Variants in RERE observed in about 807,000 individuals in gnomAD.
The protein encoded by RERE is arginine-glutamic acid dipeptide repeats protein.
RERE carries 40 observed loss-of-function variants against 146.1 expected under a neutral mutation model. That is an observed-to-expected ratio of 0.27 (90% CI 0.21 to 0.36). The LOEUF (loss-of-function observed/expected upper bound fraction) is 0.36, where lower values mean the gene tolerates loss of function less well. Among genes scored for constraint, RERE ranks in the 10% least tolerant of loss-of-function variants. The probability of loss-of-function intolerance (pLI) is 1.00; values close to 1 mark genes in which losing one functional copy is unlikely to be tolerated. For missense variants in RERE, 1,933 were observed against 2,138.7 expected (o/e 0.90, Z 1.90); for synonymous variants, 1,003 against 866.0 (o/e 1.16, Z -2.78).
Position 8,361,345 on chromosome 1 carries a change from T to C in RERE, c.2162A>G (p.Asn721Ser). Residue 721 changes from asparagine to serine, a missense_variant, in exon 18 of 23, where the codon AAT becomes AGT. Asn to Ser is a conservative substitution (Grantham distance 46). Around this residue, in one of 11 missense-constraint regions of RERE, gnomAD observed 1,255 missense variants for 1,153.8 expected, o/e 1.09. Coordinates refer to ENST00000400908, the MANE Select transcript of RERE (RefSeq NM_001042681.2). ...GGCTGACGAGTCCGAGTCACTCTCATTGTCCTGGGGGCTGGGGATGCTCGG... is the reference window on the plus strand; with the variant it reads ...GGCTGACGAGTCCGAGTCACTCTCACTGTCCTGGGGGCTGGGGATGCTCGG... ...TSPSIPSPQDNESDSDSSAQQ... is the reference protein window; with the variant it reads ...TSPSIPSPQDSESDSDSSAQQ... The C allele has an allele frequency of 6.2e-7, 1 of 1,613,326 alleles. No homozygotes were observed. The highest frequency in any genetic ancestry group is 8.5e-7 in the Non-Finnish European group (1 of 1,179,616).
At chr1:8,755,415 G>GT (rs1265785921) in intron 1 of RERE, among the ~76,000 whole-genome samples, 1 of 152,132 alleles carries the variant, frequency 6.6e-6, no homozygotes, top group African/African-American at 2.4e-5. Context: ...TAGCAGTCCT[G>GT]TATTTTAGAA....
At chr1:8,770,486 T>A (rs993197454) in intron 1 of RERE, among the ~76,000 whole-genome samples, 5 of 152,170 alleles carry the variant, frequency 3.3e-5, no homozygotes, top group Admixed American at 1.3e-4. Context: ...GAGCACAGTC[T>A]CGAGAAGCAG....
chr1:8,678,845 A>G (rs1436773164), intron 1 of RERE, among the ~76,000 whole-genome samples: 1 of 152,272 alleles, frequency 6.6e-6, no homozygotes, highest in African/African-American at 2.4e-5. Context: ...ATGTCTAGAC[A>G]TAAGAGAATG....
intron 1 of RERE, among the ~76,000 whole-genome samples, chr1:8,689,774 A>G (rs1407520429): frequency 5.3e-5 from 7 of 133,066 alleles, no homozygotes; most frequent in Admixed American, 1.5e-4. Context: ...TGGATACAGG[A>G]AAAAAAAAAA....
rs577692170 is a variant in RERE, at chr1:8,636,138, A to G, written c.326-11758T>C. ...CAAGTAGCTGGGAATGCAGGCATGC[A>G]CCACAACACCCGGCTAATTTTGTAT... On this transcript the variant is annotated intron_variant, in intron 2 of 22. Coordinates refer to ENST00000400908, the MANE Select transcript of RERE (RefSeq NM_001042681.2). Among the ~76,000 whole-genome samples the G allele has an allele frequency of 2.6e-5, 4 of 152,268 alleles. No individual in the cohort carries two copies. In the South Asian group the frequency reaches 6.2e-4, roughly 24 times the overall value.
At chr1:8,589,455 A>C (rs956521300) in intron 4 of RERE, among the ~76,000 whole-genome samples, 1 of 152,168 alleles carries the variant, frequency 6.6e-6, no homozygotes, top group African/African-American at 2.4e-5. Flanking sequence ...CAAACAAACA[A>C]ACACTACTGA....
At chr1:8,554,726 T>C (rs989604939) in intron 6 of RERE, among the ~76,000 whole-genome samples, 4 of 144,696 alleles carry the variant, frequency 2.8e-5, no homozygotes, top group African/African-American at 1.0e-4. Flanking sequence ...GATTAAGTCA[T>C]CGGTCCCAGC....
intron 11 of RERE, among the ~76,000 whole-genome samples, chr1:8,441,040 G>T (rs930650090): frequency 6.6e-6 from 1 of 151,696 alleles, no homozygotes; most frequent in Non-Finnish European, 1.5e-5. Context: ...GCTTTATTAT[G>T]TGACCTCAGA....
At chr1:8,355,760 C>T (rs779976869) in intron 21 of RERE, among the ~76,000 whole-genome samples, 161 bp from the exon 22 acceptor site, 22 of 152,102 alleles carry the variant, frequency 1.4e-4, no homozygotes, top group Admixed American at 3.9e-4. Context: ...AGGGCAGAGC[C>T]TCTGGGGAGG....
intron 1 of RERE, among the ~76,000 whole-genome samples, chr1:8,744,200 T>G (rs1640373831): frequency 6.6e-6 from 1 of 152,208 alleles, no homozygotes. Context: ...TTATTCCAAC[T>G]ACACCCAAAA....
intron 1 of RERE, among the ~76,000 whole-genome samples, chr1:8,765,737 A>C (rs537465277): frequency 6.6e-6 from 1 of 152,316 alleles, no homozygotes; most frequent in African/African-American, 2.4e-5. Flanking sequence ...GCGGATCACA[A>C]GGTCAGGAGA....
At chr1:8,514,359 C>G (rs1359234941) in intron 7 of RERE, among the ~76,000 whole-genome samples, 1 of 152,234 alleles carries the variant, frequency 6.6e-6, no homozygotes, top group African/African-American at 2.4e-5. Flanking sequence ...GGAACCAAGG[C>G]TTCTCCTCAA....
chr1:8,400,222 A>ATATGTGTGTGTGTGTG (rs368219880), intron 12 of RERE, among the ~76,000 whole-genome samples: 11,449 of 139,944 alleles, frequency 0.082, 580 homozygotes, highest in South Asian at 0.12. Flanking sequence ...CCTGTGTCAT[A>ATATGTGTGTGTGTGTG]TGTGTGTGTG....
At chr1:8,618,529 G>A (rs1646882230) in intron 3 of RERE, among the ~76,000 whole-genome samples, 1 of 152,076 alleles carries the variant, frequency 6.6e-6, no homozygotes, top group Non-Finnish European at 1.5e-5. Context: ...ACCAAAAAAG[G>A]GCTCTAATGC....
chr1:8,811,721 TAGG>T (rs776245684), intron 1 of RERE, among the ~76,000 whole-genome samples: 1 of 152,208 alleles, frequency 6.6e-6, no homozygotes, highest in Non-Finnish European at 1.5e-5. Flanking sequence ...TGGGTTTTTG[TAGG>T]AGGAGCTCTG....
chr1:8,513,000 CA>C (rs2124315309), intron 7 of RERE: 1 of 152,126 alleles, frequency 6.6e-6, no homozygotes, highest in South Asian at 2.1e-4. Flanking sequence ...ATGTTTCTTC[CA>C]AAAGACTCAC....
intron 6 of RERE, among the ~76,000 whole-genome samples, chr1:8,548,474 C>T (rs935862902): frequency 9.2e-5 from 14 of 152,110 alleles, no homozygotes; most frequent in African/African-American, 3.1e-4. Flanking sequence ...AAGAACAGAA[C>T]TGACCTAAGT....
chr1:8,364,080 C>T lies in RERE; in HGVS notation c.1716G>A (p.Met572Ile). 1 of 1,614,226 alleles carries T rather than the reference C, an allele frequency of 6.2e-7. No homozygotes were observed. Among genetic ancestry groups the T allele is most frequent in the Non-Finnish European group, 8.5e-7 (1 of 1,180,050 alleles). The change falls in exon 15 of 23, where the codon ATG (methionine) becomes ATA (isoleucine). Residue 572 changes from methionine (M) to isoleucine (I), a missense_variant. Met to Ile is a conservative substitution (Grantham distance 10). Transcript: ENST00000400908. The surrounding 1 kb of genome is among the most constrained non-coding windows in gnomAD (Gnocchi z 5.1). ...CCGAGCCCCGACTCCGCCGTGTCCTCATGCTATGCTTCCCACTGAGCCCAT... is the reference window on the plus strand; with the variant it reads ...CCGAGCCCCGACTCCGCCGTGTCCTTATGCTATGCTTCCCACTGAGCCCAT... ...EDDGLSGKHS[M>I]RTRRSRGSMS...
intron 1 of RERE, among the ~76,000 whole-genome samples, chr1:8,730,864 C>T (rs897207395): frequency 1.3e-5 from 2 of 152,168 alleles, no homozygotes; most frequent in Non-Finnish European, 1.5e-5. Context: ...TCAGAATCAC[C>T]TGGAGGGATT....
Sources: allele counts gnomAD v4.1 joint callset (sites outside exome capture counted in the v4.1 genomes callset), GRCh38; gene constraint gnomAD v4.1.1; regional missense constraint gnomAD v4.1.1; non-coding constraint Gnocchi (gnomAD v3.1); transcripts MANE v1.5; gene names NCBI Gene and HGNC (gene_info 2026-07-23, HGNC 2026-07-21).